Variants in ZMYM2 observed in about 807,000 individuals in gnomAD.
ZMYM2 encodes zinc finger MYM-type protein 2.
A neutral mutation model predicts 162.8 loss-of-function variants in ZMYM2; 56 were observed. The observed-to-expected ratio is 0.34, with a 90% CI of 0.28 to 0.43. The LOEUF is 0.43. Ranked by LOEUF, ZMYM2 falls within the 20% of genes least tolerant of loss-of-function variation. The probability of loss-of-function intolerance (pLI) is 1.00; values close to 1 mark genes in which losing one functional copy is unlikely to be tolerated. For synonymous variants in ZMYM2, 510 were observed against 541.6 expected, an observed-to-expected ratio of 0.94 and a Z score of 0.81; for missense variants, 1,275 against 1,621.8, an observed-to-expected ratio of 0.79 and a Z score of 3.67.
chr13:20,021,012 G>T (rs1261473854), intron 7 of ZMYM2, among the ~76,000 whole-genome samples: 1 of 147,052 alleles, frequency 6.8e-6, no homozygotes, highest in Admixed American at 6.8e-5. Flanking sequence ...GCCTTGCTCT[G>T]TCACCCAGGC....
intron 7 of ZMYM2, among the ~76,000 whole-genome samples, chr13:20,021,158 G>A (rs1197452557): frequency 6.6e-6 from 1 of 151,916 alleles, no homozygotes; most frequent in African/African-American, 2.4e-5. Context: ...TGTATTTTTA[G>A]TAGAGGCGGG....
chr13:20,064,651 G>A (rs1446711497), intron 19 of ZMYM2, 106 bp downstream of exon 19: 1 of 709,158 alleles, frequency 1.4e-6, no homozygotes, highest in Non-Finnish European at 2.0e-6. Context: ...TTGTTTTCTA[G>A]GTTGGAAAAT....
chr13:20,058,551 A>G, intron 14 of ZMYM2, 24 bp from the exon 15 acceptor site: 1 of 1,601,064 alleles, frequency 6.2e-7, no homozygotes, highest in Non-Finnish European at 8.5e-7. Flanking sequence ...AAAAATAAAA[A>G]TGTTTCTCTT....
the ZMYM2 span, among the ~76,000 whole-genome samples, chr13:19,908,386 A>G: frequency 1.3e-5 from 2 of 152,114 alleles, no homozygotes; most frequent in African/African-American, 4.8e-5. Flanking sequence ...TTAGGAACTC[A>G]GGAGTTTGAG....
chr13:19,884,896 G>C, the ZMYM2 span, among the ~76,000 whole-genome samples: 2 of 151,986 alleles, frequency 1.3e-5, no homozygotes, highest in South Asian at 4.2e-4. Flanking sequence ...CCCTTATTTG[G>C]CCCGGCCCAT....
At chr13:19,975,382 A>C (rs1196388288) in intron 2 of ZMYM2, among the ~76,000 whole-genome samples, 1 of 152,112 alleles carries the variant, frequency 6.6e-6, no homozygotes, top group Non-Finnish European at 1.5e-5. Context: ...CTTCTGTTCT[A>C]CCTTCTGTAT....
intron 5 of ZMYM2, among the ~76,000 whole-genome samples, chr13:20,006,112 A>G (rs1950720580): frequency 6.6e-6 from 1 of 152,044 alleles, no homozygotes; most frequent in Non-Finnish European, 1.5e-5. Flanking sequence ...GTGTGTCTAT[A>G]GTCTCAGCTA....
In ZMYM2 at chr13:20,086,850, T is replaced by G. The variant is rs1405509668; in HGVS notation, c.*836T>G. ...CATCAAGACATTTCCTTTGTAAAAA[T>G]GTCTGGTGAAAGTATAAAATTCTGT... On this transcript the variant is annotated 3_prime_UTR_variant, in exon 25 of 25. Transcript: ENST00000610343. The G allele has an allele frequency of 6.0e-6, 1 of 165,880 alleles. No individual in the cohort carries two copies. Among genetic ancestry groups the G allele is most frequent in the African/African-American group, 2.4e-5 (1 of 41,600 alleles). The allele number at this position is 165,880 out of a possible 1,614,324, so 10.3% of individuals were successfully genotyped here.
At chr13:19,926,801 G>A in the ZMYM2 span, among the ~76,000 whole-genome samples, 1 of 152,178 alleles carries the variant, frequency 6.6e-6, no homozygotes, top group South Asian at 2.1e-4. Flanking sequence ...CCAAACATCT[G>A]GGACCACAGG....
Position 20,067,227 on chromosome 13 carries a change from A to T in ZMYM2, c.3302-12A>T. On this transcript the variant is annotated splice_polypyrimidine_tract_variant and intron_variant, in intron 20 of 24. Transcript: ENST00000610343. ...AATAATAACAATTATTTTTTATTTT[A>T]TGTATTTTTAGCTAAATCAGTAAAG... 1 of 1,519,756 alleles carries T rather than the reference A, an allele frequency of 6.6e-7. No individual in the cohort carries two copies. The highest frequency in any genetic ancestry group is 8.9e-7 in the Non-Finnish European group (1 of 1,129,106). 94.1% of individuals were successfully genotyped at this position (1,519,756 alleles called of 1,614,324 possible).
chr13:19,917,107 C>T, the ZMYM2 span, among the ~76,000 whole-genome samples: 1 of 151,938 alleles, frequency 6.6e-6, no homozygotes, highest in Admixed American at 6.6e-5. Flanking sequence ...GGACTACAGG[C>T]GCCCGCCACG....
intron 11 of ZMYM2, among the ~76,000 whole-genome samples, chr13:20,034,644 G>C (rs1006960984): frequency 6.6e-6 from 1 of 152,110 alleles, no homozygotes; most frequent in African/African-American, 2.4e-5. Flanking sequence ...TAAAATAAAA[G>C]CATTTTCATG....
At chr13:19,934,870 G>A in the ZMYM2 span, among the ~76,000 whole-genome samples, 3 of 151,320 alleles carry the variant, frequency 2.0e-5, no homozygotes, top group African/African-American at 7.3e-5. Flanking sequence ...AGGTTCAAGC[G>A]ATTCTCCTGC....
intron 10 of ZMYM2, 106 bp downstream of exon 10, chr13:20,031,541 T>C (rs576904154): frequency 1.3e-5 from 10 of 743,952 alleles, no homozygotes; most frequent in East Asian, 3.1e-5. Context: ...GATAAAAATA[T>C]GCTTTTCAGA....
intron 18 of ZMYM2, 137 bp downstream of exon 18, chr13:20,063,108 T>A: frequency 9.0e-7 from 1 of 1,111,658 alleles, no homozygotes; most frequent in Non-Finnish European, 1.2e-6. Context: ...AAACTCACCT[T>A]AAGAGTTAAC....
At chr13:19,999,689 A>G (rs1486967454) in intron 3 of ZMYM2, among the ~76,000 whole-genome samples, 4 of 152,238 alleles carry the variant, frequency 2.6e-5, no homozygotes, top group African/African-American at 9.6e-5. Context: ...AAAGCCTAGA[A>G]AGGCTGAGAG....
At chr13:19,913,195 G>A in the ZMYM2 span, among the ~76,000 whole-genome samples, 1 of 152,100 alleles carries the variant, frequency 6.6e-6, no homozygotes, top group African/African-American at 2.4e-5. Flanking sequence ...TTGAAGGAAA[G>A]CTCTGCCATG....
In ZMYM2 at chr13:20,034,352, T is replaced by C; in HGVS notation, c.2067T>C (p.Thr689=). 1 of 1,609,690 alleles carries C rather than the reference T, an allele frequency of 6.2e-7. No individual in the cohort carries two copies. Among genetic ancestry groups the C allele is most frequent in the Non-Finnish European group, 8.5e-7 (1 of 1,178,468 alleles). The change falls in exon 11 of 25, where the codon ACT becomes ACC. Residue 689 remains threonine (T), a synonymous_variant. Coordinates refer to ENST00000610343, the MANE Select transcript of ZMYM2 (RefSeq NM_197968.4). Reference sequence around the variant, plus strand: ...GCGAATACTGTCAAGAGGAGAAGACTCTTCATGAAACAGTAAATTTCTCTG... The same window carrying C: ...GCGAATACTGTCAAGAGGAGAAGACCCTTCATGAAACAGTAAATTTCTCTG... ...TYCEYCQEEK[T]LHETVNFSGV... is the part of the protein sequence containing the mutation.
At chr13:19,869,276 A>C in the ZMYM2 span, among the ~76,000 whole-genome samples, 1 of 152,092 alleles carries the variant, frequency 6.6e-6, no homozygotes, top group Non-Finnish European at 1.5e-5. Context: ...CACAAGTTTT[A>C]CTTGTTTCAT....
Sources: gnomAD v4.1 joint callset for allele counts (sites outside exome capture counted in the v4.1 genomes callset) on GRCh38, gnomAD v4.1.1 for gene constraint, MANE v1.5 for transcripts, NCBI Gene and HGNC (gene_info 2026-07-23, HGNC 2026-07-21) for gene names.